The following EGFR variants were observed in gnomAD, a reference collection of about 807,000 sequenced individuals.
EGFR encodes avian erythroblastic leukemia viral (v-erb-b) oncogene homolog.
A neutral mutation model predicts 143.0 loss-of-function variants in EGFR; 58 were observed. The ratio of observed to expected loss-of-function variants is 0.41; its 90% CI spans 0.33 to 0.50. EGFR has a LOEUF of 0.50. EGFR is among the 20% of genes least tolerant of loss of function. The pLI is 0.39. For missense variants in EGFR, 1,307 were observed against 1,579.0 expected (o/e 0.83, Z 2.92); for synonymous variants, 613 against 594.4 (o/e 1.03, Z -0.45).
intron 1 of EGFR, among the ~76,000 whole-genome samples, chr7:55,097,570 T>C (rs1791554819): frequency 6.6e-6 from 1 of 152,210 alleles, no homozygotes; most frequent in Admixed American, 6.5e-5. Context: ...TAATTTATAT[T>C]ATGAAATTTG....
At position 55,019,287 on chromosome 7, in the gene EGFR, TC is replaced by T; in HGVS notation, c.12del (p.Thr6ArgfsTer74). 1 of 1,506,108 alleles carries T rather than the reference TC, an allele frequency of 6.6e-7. No homozygotes were observed. Among genetic ancestry groups the T allele is most frequent in the Admixed American group, 2.0e-5 (1 of 50,900 alleles). The allele number at this position is 1,506,108 out of a possible 1,614,324, so 93.3% of individuals were successfully genotyped here. A position where few individuals can be genotyped will look rare whatever the true frequency, so the allele number is the denominator to read the frequency against. ...TCTTCGGGGAGCAGCGATGCGACCC[TC>T]CGGGACGGCCGGGGCAGCGCTCCTG... MRP[S>X]GTAGAALLAL... On this transcript the variant is annotated frameshift_variant, in exon 1 of 28. Transcript: ENST00000275493. LOFTEE classifies it high-confidence loss of function.
chr7:55,133,062 G>T (rs1454924211), intron 1 of EGFR, among the ~76,000 whole-genome samples: 1 of 152,230 alleles, frequency 6.6e-6, no homozygotes, highest in Non-Finnish European at 1.5e-5. Flanking sequence ...CTCAGCCTTT[G>T]TCATCAAGGA....
At chr7:55,092,690 A>G (rs1453734526) in intron 1 of EGFR, among the ~76,000 whole-genome samples, 1 of 152,252 alleles carries the variant, frequency 6.6e-6, no homozygotes, top group Non-Finnish European at 1.5e-5. Flanking sequence ...AGCTCGTAGT[A>G]TTAGATGTCA....
Position 55,171,166 on chromosome 7 carries a change from T to G in EGFR, c.1881-9T>G, listed in dbSNP as rs1019176003. ...AGAAAAATGTATATTTCTCTTTCAC[T>G]TCCTACAGATGCACTGGGCCAGGTC... is the stretch of plus-strand genomic sequence containing the variant. On this transcript the variant is annotated splice_polypyrimidine_tract_variant and intron_variant, in intron 15 of 27. Transcript: ENST00000275493. 1.4e-5 allele frequency: 23 copies of G among 1,614,084 alleles called. No homozygotes were observed. The African/African-American group carries it at 2.8e-4, about 20-fold the overall frequency.
In EGFR at chr7:55,125,553, C is replaced by T. The variant is rs1793474035; in HGVS notation, c.89-16733C>T. On this transcript the variant is annotated intron_variant, in intron 1 of 27. Transcript: ENST00000275493. ...TAGGGATGATATTTCTTTGCAAGGG[C>T]TCTGCCCTACAGCTTGTACATCTCA... Among the ~76,000 whole-genome samples the T allele has an allele frequency of 2.0e-5, 3 of 152,224 alleles. No homozygotes were observed. The South Asian group carries it at 6.2e-4, about 31-fold the overall frequency.
At chr7:55,065,354 G>T (rs189772074) in intron 1 of EGFR, among the ~76,000 whole-genome samples, 2 of 152,200 alleles carry the variant, frequency 1.3e-5, no homozygotes, top group South Asian at 4.1e-4. Context: ...AGTGAGCTGC[G>T]CAGGGTGAGT....
At chr7:55,110,711 A>G (rs1015032532) in intron 1 of EGFR, among the ~76,000 whole-genome samples, 1 of 152,108 alleles carries the variant, frequency 6.6e-6, no homozygotes, top group Non-Finnish European at 1.5e-5. Flanking sequence ...TAGAATTTCA[A>G]ATATTGCTTT....
At chr7:55,153,903 C>T in intron 6 of EGFR, 108 bp from the exon 7 acceptor site, 5 of 1,532,766 alleles carry the variant, frequency 3.3e-6, no homozygotes, top group Non-Finnish European at 4.5e-6. Flanking sequence ...GCTGCAAAGA[C>T]AGTAACTTGG....
At chr7:55,203,657 CCA>C (rs969252418) in intron 27 of EGFR, among the ~76,000 whole-genome samples, 10 of 140,360 alleles carry the variant, frequency 7.1e-5, no homozygotes, top group African/African-American at 8.0e-5. Context: ...ACACCACACA[CCA>C]CACACACACA....
intron 1 of EGFR, among the ~76,000 whole-genome samples, chr7:55,122,689 T>A (rs1318511175): frequency 6.6e-6 from 1 of 152,230 alleles, no homozygotes; most frequent in East Asian, 1.9e-4. Context: ...AAGCCATCCA[T>A]CACAGGACAG....
At chr7:55,049,094 C>T (rs998669956) in intron 1 of EGFR, among the ~76,000 whole-genome samples, 6 of 152,174 alleles carry the variant, frequency 3.9e-5, no homozygotes, top group East Asian at 3.8e-4. Flanking sequence ...CATATGACAA[C>T]ACGAAGGACT....
At chr7:55,138,461 T>C (rs1353296030) in intron 1 of EGFR, among the ~76,000 whole-genome samples, 1 of 152,250 alleles carries the variant, frequency 6.6e-6, no homozygotes, top group African/African-American at 2.4e-5. Flanking sequence ...CTTAAAGTAC[T>C]ATGTATTCAT....
At chr7:55,051,212 G>A (rs1253058703) in intron 1 of EGFR, among the ~76,000 whole-genome samples, 2 of 152,188 alleles carry the variant, frequency 1.3e-5, no homozygotes, top group African/African-American at 4.8e-5. Context: ...ATGTGTGGCA[G>A]GCATGGCCCA....
chr7:55,059,487 C>T (rs186640601), intron 1 of EGFR, among the ~76,000 whole-genome samples: 4 of 152,006 alleles, frequency 2.6e-5, no homozygotes, highest in Admixed American at 2.6e-4. Context: ...CTAAAGCCCA[C>T]AGGTTGCGTT....
chr7:55,112,406 C>T (rs558689897), intron 1 of EGFR, among the ~76,000 whole-genome samples: 34 of 152,358 alleles, frequency 2.2e-4, no homozygotes, highest in African/African-American at 7.5e-4. Context: ...TGGCACGTTG[C>T]TCAAACCCAT....
intron 1 of EGFR, among the ~76,000 whole-genome samples, chr7:55,031,823 T>G (rs1562653415): frequency 6.6e-6 from 1 of 152,204 alleles, no homozygotes; most frequent in African/African-American, 2.4e-5. Flanking sequence ...GGGTTTTTTG[T>G]TTTTATTCGC....
At chr7:55,130,093 G>A (rs1269326023) in intron 1 of EGFR, among the ~76,000 whole-genome samples, 2 of 152,166 alleles carry the variant, frequency 1.3e-5, no homozygotes, top group Non-Finnish European at 2.9e-5. Context: ...CTCTCTGGCT[G>A]TATTCAGAGG....
chr7:55,200,530 C>A (rs2128970277), intron 24 of EGFR, 117 bp downstream of exon 24: 1 of 1,031,298 alleles, frequency 9.7e-7, no homozygotes, highest in Non-Finnish European at 1.5e-6. Context: ...CATTATTAAA[C>A]CCTCCAGCGC....
At chr7:55,028,118 T>C (rs1787040192) in intron 1 of EGFR, among the ~76,000 whole-genome samples, 1 of 151,154 alleles carries the variant, frequency 6.6e-6, no homozygotes, top group African/African-American at 2.4e-5. Flanking sequence ...TAAGCAGAAA[T>C]GTGATATCTG....
Sources: gnomAD v4.1 joint callset for allele counts (sites outside exome capture counted in the v4.1 genomes callset) on GRCh38, gnomAD v4.1.1 for gene constraint, MANE v1.5 for transcripts, NCBI Gene and HGNC (gene_info 2026-07-23, HGNC 2026-07-21) for gene names.